Variants in GALNT13 observed in about 807,000 individuals in gnomAD.
The protein encoded by GALNT13 is UDP-GalNAc:polypeptide N-acetylgalactosaminyltransferase 13.
GALNT13 carries 28 observed loss-of-function variants against 64.2 expected under a neutral mutation model. The observed-to-expected ratio is 0.44, with a 90% CI of 0.32 to 0.60. The LOEUF (loss-of-function observed/expected upper bound fraction) is 0.60. GALNT13 is among the 20% of genes least tolerant of loss of function. The pLI is 0.05. For missense variants in GALNT13, 577 were observed against 669.8 expected, an observed-to-expected ratio of 0.86 and a Z score of 1.53; for synonymous variants, 214 against 224.6, an observed-to-expected ratio of 0.95 and a Z score of 0.42.
chr2:153,210,741 G>T, the GALNT13 span, among the ~76,000 whole-genome samples: 1 of 152,138 alleles, frequency 6.6e-6, no homozygotes, highest in African/African-American at 2.4e-5. Context: ...AGTTCTGCAA[G>T]TTTAGTTGGC....
At chr2:153,954,798 A>G (rs1397097787) in intron 3 of GALNT13, among the ~76,000 whole-genome samples, 1 of 152,138 alleles carries the variant, frequency 6.6e-6, no homozygotes, top group African/African-American at 2.4e-5. Context: ...AAACCTCTGC[A>G]AGGACTCACA....
the GALNT13 span, among the ~76,000 whole-genome samples, chr2:153,674,514 T>C: frequency 0.86 from 131,488 of 152,168 alleles, 56,960 homozygotes; most frequent in East Asian, 0.92. Flanking sequence ...AATTCTGAAA[T>C]TGGATGCCTT....
the GALNT13 span, among the ~76,000 whole-genome samples, chr2:153,110,127 T>C: frequency 6.6e-6 from 1 of 152,124 alleles, no homozygotes; most frequent in Non-Finnish European, 1.5e-5. Context: ...ATGTTACTTT[T>C]TGATGAAACT....
chr2:153,586,647 A>T, the GALNT13 span, among the ~76,000 whole-genome samples: 2 of 152,156 alleles, frequency 1.3e-5, no homozygotes, highest in South Asian at 4.1e-4. Context: ...TTAACCAAGA[A>T]GCATTAAACT....
the GALNT13 span, among the ~76,000 whole-genome samples, chr2:153,744,721 A>G: frequency 6.6e-6 from 1 of 152,082 alleles, no homozygotes; most frequent in Non-Finnish European, 1.5e-5. Context: ...CCTTCTTCTC[A>G]CTAGAGTTGT....
the GALNT13 span, among the ~76,000 whole-genome samples, chr2:153,666,081 T>C: frequency 3.9e-5 from 6 of 152,078 alleles, no homozygotes; most frequent in Non-Finnish European, 8.8e-5. Context: ...CTGGGGTGCC[T>C]GCCTGGCCAT....
At chr2:153,218,753 C>T in the GALNT13 span, among the ~76,000 whole-genome samples, 1 of 152,198 alleles carries the variant, frequency 6.6e-6, no homozygotes, top group Admixed American at 6.5e-5. Context: ...TTCTCTAGCC[C>T]ACATTGACTT....
At chr2:154,352,224 G>A (rs752872884) in intron 9 of GALNT13, among the ~76,000 whole-genome samples, 2 of 152,094 alleles carry the variant, frequency 1.3e-5, no homozygotes, top group Admixed American at 6.6e-5. Context: ...TACATGAACC[G>A]GCCTCATCTG....
chr2:154,099,977 C>T (rs1173208017), intron 3 of GALNT13, among the ~76,000 whole-genome samples: 1 of 151,988 alleles, frequency 6.6e-6, no homozygotes, highest in East Asian at 1.9e-4. Flanking sequence ...GTTTTTGCCC[C>T]ATTGTTTATT....
the GALNT13 span, among the ~76,000 whole-genome samples, chr2:153,170,374 T>C: frequency 6.6e-6 from 1 of 152,178 alleles, no homozygotes; most frequent in African/African-American, 2.4e-5. Flanking sequence ...AGCAATTTTG[T>C]TTATTAGGGA....
chr2:153,330,846 G>A, the GALNT13 span, among the ~76,000 whole-genome samples: 1 of 152,102 alleles, frequency 6.6e-6, no homozygotes, highest in African/African-American at 2.4e-5. Context: ...GGGCATTCTT[G>A]TCTTCTTCCA....
At chr2:153,312,636 A>T in the GALNT13 span, among the ~76,000 whole-genome samples, 1 of 152,198 alleles carries the variant, frequency 6.6e-6, no homozygotes, top group African/African-American at 2.4e-5. Context: ...AAATCTAGAA[A>T]TTCCAGGGTT....
chr2:154,020,319 G>C (rs989962124), intron 3 of GALNT13, among the ~76,000 whole-genome samples: 3 of 152,308 alleles, frequency 2.0e-5, no homozygotes, highest in South Asian at 2.1e-4. Flanking sequence ...CTCACCAACA[G>C]TGTAAAAGTG....
chr2:153,125,037 C>A, the GALNT13 span, among the ~76,000 whole-genome samples: 1 of 151,940 alleles, frequency 6.6e-6, no homozygotes. Context: ...ACAGGATTAC[C>A]AATTAGATTT....
chr2:153,096,578 T>G, the GALNT13 span, among the ~76,000 whole-genome samples: 4 of 152,200 alleles, frequency 2.6e-5, no homozygotes, highest in South Asian at 8.3e-4. Context: ...AATTGTTATA[T>G]CCACTTGTTG....
At chr2:154,145,820 C>T (rs1043789548) in intron 4 of GALNT13, among the ~76,000 whole-genome samples, 4 of 151,804 alleles carry the variant, frequency 2.6e-5, no homozygotes, top group Non-Finnish European at 4.4e-5. Context: ...CTCGTGAGTA[C>T]GTGCTCATTT....
chr2:153,664,482 C>T, the GALNT13 span, among the ~76,000 whole-genome samples: 1 of 152,100 alleles, frequency 6.6e-6, no homozygotes, highest in Non-Finnish European at 1.5e-5. Context: ...ACAGGTTTTA[C>T]AAACAATTTG....
chr2:153,435,082 A>G, the GALNT13 span, among the ~76,000 whole-genome samples: 1 of 152,220 alleles, frequency 6.6e-6, no homozygotes, highest in Non-Finnish European at 1.5e-5. Flanking sequence ...TTTATTAAAT[A>G]GGGGATCCTT....
intron 3 of GALNT13, among the ~76,000 whole-genome samples, chr2:154,105,230 C>G (rs536844733): frequency 7.6e-4 from 116 of 152,052 alleles, no homozygotes; most frequent in Non-Finnish European, 1.3e-3. Context: ...GATCTCGTAT[C>G]TGATGGAGGA....
Sources: allele counts gnomAD v4.1 joint callset (sites outside exome capture counted in the v4.1 genomes callset), GRCh38; gene constraint gnomAD v4.1.1; transcripts MANE v1.5; gene names NCBI Gene and HGNC (gene_info 2026-07-23, HGNC 2026-07-21).